XIRP2: variants seen among roughly 807,000 people sequenced by gnomAD.
XIRP2 encodes xin actin-binding repeat-containing protein 2.
In XIRP2, 236 loss-of-function variants were observed where a neutral mutation model predicts 277.0. The observed-to-expected ratio is 0.85, with a 90% CI of 0.77 to 0.95. The LOEUF is 0.95. Ranked by LOEUF, XIRP2 falls within the 40% of genes least tolerant of loss-of-function variation. XIRP2 has a pLI of 0.00. For missense variants in XIRP2, 4,640 were observed against 4,157.5 expected (o/e 1.12, Z -3.19); for synonymous variants, 1,490 against 1,416.5 (o/e 1.05, Z -1.17).
At chr2:167,070,653 T>A (rs1689414735) in intron 2 of XIRP2, among the ~76,000 whole-genome samples, 1 of 152,250 alleles carries the variant, frequency 6.6e-6, no homozygotes, top group African/African-American at 2.4e-5. Context: ...TTTTCATTTT[T>A]ATTTGTTCTT....
Position 167,258,384 on chromosome 2 carries a change from AG to A in XIRP2, c.*569del. ...CAGTCCACCCATGTTTGTCAGAAAG[AG>A]GATGTTATAGGAATCAAAGAAATGA... On this transcript the variant is annotated 3_prime_UTR_variant, in exon 11 of 11. Coordinates refer to ENST00000409195, the MANE Select transcript of XIRP2 (RefSeq NM_152381.6). The A allele has an allele frequency of 6.2e-7, 1 of 1,613,404 alleles. No homozygotes were observed. The highest frequency in any genetic ancestry group is 8.5e-7 in the Non-Finnish European group (1 of 1,179,640).
chr2:167,230,084 A>T (rs1157797687), intron 5 of XIRP2, among the ~76,000 whole-genome samples: 1 of 152,166 alleles, frequency 6.6e-6, no homozygotes, highest in East Asian at 1.9e-4. Flanking sequence ...CCAAGAGCTC[A>T]GTCAAACTTG....
At chr2:167,059,263 G>A (rs146861302) in intron 2 of XIRP2, among the ~76,000 whole-genome samples, 80 of 150,856 alleles carry the variant, frequency 5.3e-4, no homozygotes, top group African/African-American at 1.8e-3. Context: ...ACCACCATGC[G>A]TGGCTATTTT....
At position 167,250,243 on chromosome 2, in the gene XIRP2, C is replaced by T. The variant is rs1191550440; in HGVS notation, c.8851C>T (p.Arg2951Cys). The T allele has an allele frequency of 1.2e-6, 2 of 1,613,028 alleles. No individual in the cohort carries two copies. The highest frequency in any genetic ancestry group is 1.7e-6 in the Non-Finnish European group (2 of 1,179,610). ...AAATATAGTGGAATTCTTGAGAAAACGTGAAGAACTGCAACAGATTTTGTC... is the reference window on the plus strand; with the variant it reads ...AAATATAGTGGAATTCTTGAGAAAATGTGAAGAACTGCAACAGATTTTGTC... ...ALNIVEFLRK[R>C]EELQQILSRV... Residue 2951 changes from arginine (R) to cysteine (C), a missense_variant, in exon 9 of 11, where the codon CGT (arginine) becomes TGT (cysteine). Transcript: ENST00000409195.
chr2:167,078,291 T>G (rs1156243296), intron 2 of XIRP2, among the ~76,000 whole-genome samples: 2 of 152,198 alleles, frequency 1.3e-5, no homozygotes, highest in Admixed American at 1.3e-4. Flanking sequence ...TTTTTTTTGG[T>G]GTATAGAAAT....
At position 167,100,533 on chromosome 2, in the gene XIRP2, C is replaced by T. The variant is rs141391380; in HGVS notation, c.409-35376C>T. On this transcript the variant is annotated intron_variant, in intron 2 of 10. Coordinates refer to ENST00000409195, the MANE Select transcript of XIRP2 (RefSeq NM_152381.6). ...ACCACTAAAAGCTAACTAGTATTTC[C>T]CCTTGGCCTAAGAAGGAAGCTACCT... Among the ~76,000 whole-genome samples, 3 of 152,278 alleles carry T rather than the reference C, an allele frequency of 2.0e-5. No homozygotes were observed. The East Asian group carries it at 5.8e-4, about 29-fold the overall frequency.
chr2:166,910,598 G>T (rs537637864), intron 2 of XIRP2, among the ~76,000 whole-genome samples: 1 of 152,098 alleles, frequency 6.6e-6, no homozygotes, highest in South Asian at 2.1e-4. Flanking sequence ...AGGGTTTTTT[G>T]TGTCTCTATT....
intron 2 of XIRP2, among the ~76,000 whole-genome samples, chr2:167,073,623 T>A (rs532937796): frequency 6.6e-6 from 1 of 152,260 alleles, no homozygotes; most frequent in Admixed American, 6.5e-5. Flanking sequence ...TCTACCTGTC[T>A]AAACCTACTG....
chr2:167,071,757 A>C (rs1689442805), intron 2 of XIRP2, among the ~76,000 whole-genome samples: 1 of 152,214 alleles, frequency 6.6e-6, no homozygotes, highest in African/African-American at 2.4e-5. Flanking sequence ...GGAAGCTGGC[A>C]GACCTTCTGT....
intron 2 of XIRP2, among the ~76,000 whole-genome samples, chr2:167,070,326 T>A (rs543870807): frequency 6.6e-6 from 1 of 152,248 alleles, no homozygotes; most frequent in East Asian, 1.9e-4. Context: ...TGGCAATCTT[T>A]GTCCTCTCTT....
At chr2:166,941,402 C>T (rs181633659) in intron 2 of XIRP2, among the ~76,000 whole-genome samples, 100 of 152,344 alleles carry the variant, frequency 6.6e-4, no homozygotes, top group African/African-American at 2.2e-3. Context: ...CCAGGTAAGG[C>T]GATGCCTCGC....
chr2:167,214,980 A>G (rs1694200809), intron 4 of XIRP2, among the ~76,000 whole-genome samples: 1 of 152,216 alleles, frequency 6.6e-6, no homozygotes, highest in Admixed American at 6.5e-5. Flanking sequence ...TAAGCATAAT[A>G]CTAAGGCTTG....
intron 2 of XIRP2, among the ~76,000 whole-genome samples, chr2:166,979,677 G>T (rs1454428295): frequency 6.6e-6 from 1 of 152,112 alleles, no homozygotes; most frequent in East Asian, 1.9e-4. Flanking sequence ...TTAATCTGAT[G>T]AATTGTATTG....
chr2:167,089,657 G>A (rs1427277836), intron 2 of XIRP2, among the ~76,000 whole-genome samples: 1 of 152,052 alleles, frequency 6.6e-6, no homozygotes, highest in Non-Finnish European at 1.5e-5. Flanking sequence ...GTGCATGTGT[G>A]TTACTTAAGT....
intron 2 of XIRP2, among the ~76,000 whole-genome samples, chr2:167,031,101 A>T (rs904413444): frequency 6.6e-6 from 1 of 150,460 alleles, no homozygotes; most frequent in Admixed American, 6.6e-5. Context: ...TACATGTGAG[A>T]TGGATCTCCT....
At chr2:166,971,376 G>GA (rs976867139) in intron 2 of XIRP2, among the ~76,000 whole-genome samples, 13 of 151,072 alleles carry the variant, frequency 8.6e-5, no homozygotes, top group African/African-American at 3.2e-4. Flanking sequence ...TTGAAGAAAG[G>GA]AAAAAAAAGT....
intron 2 of XIRP2, among the ~76,000 whole-genome samples, chr2:167,087,067 T>G (rs1219593584): frequency 2.0e-5 from 3 of 151,668 alleles, no homozygotes; most frequent in Non-Finnish European, 1.5e-5. Context: ...TCCCCATCTT[T>G]GTGGTTTTAT....
At chr2:167,190,581 ATT>A (rs1693301510) in intron 3 of XIRP2, among the ~76,000 whole-genome samples, 1 of 152,198 alleles carries the variant, frequency 6.6e-6, no homozygotes, top group Admixed American at 6.5e-5. Flanking sequence ...ATTTCTTACT[ATT>A]TATTTTCCTA....
At chr2:167,215,098 A>G (rs1250067938) in intron 4 of XIRP2, among the ~76,000 whole-genome samples, 16 of 152,294 alleles carry the variant, frequency 1.1e-4, no homozygotes, top group Non-Finnish European at 1.5e-4. Flanking sequence ...TAGATTATCT[A>G]TATATAATTT....
Sources: allele counts gnomAD v4.1 joint callset (sites outside exome capture counted in the v4.1 genomes callset), GRCh38; gene constraint gnomAD v4.1.1; transcripts MANE v1.5; gene names NCBI Gene and HGNC (gene_info 2026-07-23, HGNC 2026-07-21).